ARHGEF19: variants seen among roughly 807,000 people sequenced by gnomAD.
ARHGEF19 encodes the protein Rho guanine nucleotide exchange factor 19, also known as Rho guanine nucleotide exchange factor (GEF) 19.
ARHGEF19 carries 92 observed loss-of-function variants against 87.6 expected under a neutral mutation model. The observed-to-expected ratio is 1.05, with a 90% CI of 0.89 to 1.25. The LOEUF (loss-of-function observed/expected upper bound fraction) is 1.25. Ranked by LOEUF, ARHGEF19 falls within the 50% of genes most tolerant of loss-of-function variation. The pLI is 0.00. For synonymous variants in ARHGEF19, 438 were observed against 446.2 expected (o/e 0.98, Z 0.23); for missense variants, 1,054 against 1,051.8 (o/e 1.00, Z -0.03).
chr1:16,206,086 G>A lies in ARHGEF19; in HGVS notation c.1299-3C>T, dbSNP rs1441983533. ...GCTGCTCCAGGTCCTGCAGGAACCT[G>A]AGGAGTCAGAGCCAGGATGGAGACC... On this transcript the variant is annotated splice_region_variant and splice_polypyrimidine_tract_variant and intron_variant, in intron 7 of 15. Coordinates refer to ENST00000270747, the MANE Select transcript of ARHGEF19 (RefSeq NM_153213.5). This position sits in a 1 kb window ranked among gnomAD's most constrained non-coding sequence, Gnocchi z 4.6. 5.7e-6 allele frequency: 9 copies of A among 1,577,412 alleles called. No homozygotes were observed. Among genetic ancestry groups the A allele is most frequent in the Non-Finnish European group, 7.8e-6 (9 of 1,161,082 alleles).
At position 16,202,591 on chromosome 1, in the gene ARHGEF19, G is replaced by A. The variant is rs775083175; in HGVS notation, c.1908-17C>T. ...TTCCCTAGCCTGGAGGACCGGGGGA[G>A]GGGAGGTCAGCCTGGCCTGGGCCCT... On this transcript the variant is annotated splice_polypyrimidine_tract_variant and intron_variant, in intron 12 of 15. Coordinates refer to ENST00000270747, the MANE Select transcript of ARHGEF19 (RefSeq NM_153213.5). 2 of 1,607,690 alleles carry A rather than the reference G, an allele frequency of 1.2e-6. No individual in the cohort carries two copies. The highest frequency in any genetic ancestry group is 1.3e-5 in the African/African-American group (1 of 74,896).
chr1:16,209,037 AG>A lies in ARHGEF19; in HGVS notation c.17del (p.Pro6LeufsTer8), dbSNP rs749784982. On this transcript the variant is annotated frameshift_variant, in exon 2 of 16. Transcript: ENST00000270747. LOFTEE classifies it high-confidence loss of function. MDCGPPATLQPHLTGP... is the reference protein window; with the variant it reads MDCGPXATLQPHLTGP... Reference sequence around the variant, plus strand: ...CAGTCAGGTGGGGCTGGAGGGTAGCAGGTGGCCCACAGTCCATTCCTCTTTT... The same window carrying A: ...CAGTCAGGTGGGGCTGGAGGGTAGCAGTGGCCCACAGTCCATTCCTCTTTT... The A allele has an allele frequency of 4.0e-6, 6 of 1,494,038 alleles. No homozygotes were observed. The highest frequency in any genetic ancestry group is 4.5e-6 in the Non-Finnish European group (5 of 1,123,404). 92.5% of individuals were successfully genotyped at this position (1,494,038 alleles called of 1,614,324 possible).
intron 2 of ARHGEF19, 101 bp from the exon 3 acceptor site, chr1:16,208,326 C>T: frequency 7.2e-7 from 1 of 1,395,716 alleles, no homozygotes; most frequent in Non-Finnish European, 9.6e-7. Flanking sequence ...GTTCAGGCAC[C>T]ATGCCCAAGG....
chr1:16,205,728 C>G lies in ARHGEF19; in HGVS notation c.1452-61G>C. 1.3e-6 allele frequency: 2 copies of G among 1,545,970 alleles called. No homozygotes were observed. The highest frequency in any genetic ancestry group is 2.8e-5 in the African/African-American group (2 of 72,498). On this transcript the variant is annotated intron_variant, in intron 8 of 15. Coordinates refer to ENST00000270747, the MANE Select transcript of ARHGEF19 (RefSeq NM_153213.5). This position sits in a 1 kb window ranked among gnomAD's most constrained non-coding sequence, Gnocchi z 5.8. ...GCCTGAATTCCTGGGATCCACAACCCTGGCCATCCACGGGGTCCTCAGGGG... is the reference window on the plus strand; with the variant it reads ...GCCTGAATTCCTGGGATCCACAACCGTGGCCATCCACGGGGTCCTCAGGGG...
In ARHGEF19 at chr1:16,207,618, A is replaced by G; in HGVS notation, c.798-20T>C. On this transcript the variant is annotated intron_variant, in intron 4 of 15. Transcript: ENST00000270747. This position sits in a 1 kb window ranked among gnomAD's most constrained non-coding sequence, Gnocchi z 4.0. ...TCTAGCCTAGGAAAGAGAGAGCGTCACGGCCCTAGTTCGCCTGCACCCTGT... is the reference window on the plus strand; with the variant it reads ...TCTAGCCTAGGAAAGAGAGAGCGTCGCGGCCCTAGTTCGCCTGCACCCTGT... 1 of 1,613,992 alleles carries G rather than the reference A, an allele frequency of 6.2e-7. No homozygotes were observed.
At position 16,206,346 on chromosome 1, in the gene ARHGEF19, G is replaced by A. The variant is rs750220354; in HGVS notation, c.1138-6C>T. On this transcript the variant is annotated splice_region_variant and splice_polypyrimidine_tract_variant and intron_variant, in intron 6 of 15. Coordinates refer to ENST00000270747, the MANE Select transcript of ARHGEF19 (RefSeq NM_153213.5). This position sits in a 1 kb window ranked among gnomAD's most constrained non-coding sequence, Gnocchi z 4.6. ...GTGATCAGCTCAAACTTGGCCTGAG[G>A]GAGGGCACACACGGGGTCGAAAGGG... The A allele has an allele frequency of 7.6e-6, 12 of 1,574,810 alleles. No individual in the cohort carries two copies. In the Admixed American group the frequency reaches 1.7e-4, roughly 23 times the overall value.
Position 16,207,008 on chromosome 1 carries a change from G to T in ARHGEF19, c.1077C>A (p.Pro359=). ...CCAGGACGCCGCTGCCGCGTACGTC[G>T]GGGATATCCTGCCACAGCGAGAAGG... ...GSTFSLWQDI[P]DVRGSGVLAT... Residue 359 remains proline, a synonymous_variant, in exon 6 of 16, where the codon CCC becomes CCA. Transcript: ENST00000270747. This position sits in a 1 kb window ranked among gnomAD's most constrained non-coding sequence, Gnocchi z 4.0. 6.6e-7 allele frequency: 1 copy of T among 1,517,278 alleles called. No homozygotes were observed. 94.0% of individuals were successfully genotyped at this position (1,517,278 alleles called of 1,614,324 possible). A position where few individuals can be genotyped will look rare whatever the true frequency, so the allele number is the denominator to read the frequency against.
At chr1:16,201,678 T>A in intron 14 of ARHGEF19, 104 bp downstream of exon 14, 2 of 1,282,468 alleles carry the variant, frequency 1.6e-6, no homozygotes, top group African/African-American at 3.0e-5. Flanking sequence ...GAAGTTGGTC[T>A]CTCTCCCCAT....
At position 16,208,772 on chromosome 1, in the gene ARHGEF19, G is replaced by C; in HGVS notation, c.283C>G (p.Arg95Gly). Reference sequence around the variant, plus strand: ...GGCCAGCTGCCAGCCCTGCTGGGCCGCATCCCCCCGCTGGTGATCTCTGTA... The same window carrying C: ...GGCCAGCTGCCAGCCCTGCTGGGCCCCATCCCCCCGCTGGTGATCTCTGTA... ...SDTEITSGGM[R>G]PSRAGSWPHC... Residue 95 changes from arginine (R) to glycine (G), a missense_variant, in exon 2 of 16, where the codon CGG becomes GGG. Transcript: ENST00000270747. 6.2e-7 allele frequency: 1 copy of C among 1,612,588 alleles called. No homozygotes were observed. Among genetic ancestry groups the C allele is most frequent in the Non-Finnish European group, 8.5e-7 (1 of 1,179,470 alleles).
In ARHGEF19 at chr1:16,206,909, G is replaced by GGCCC; in HGVS notation, c.1137+35_1137+38dup. 1 of 1,350,546 alleles carries GGCCC rather than the reference G, an allele frequency of 7.4e-7. No individual in the cohort carries two copies. Among genetic ancestry groups the GGCCC allele is most frequent in the South Asian group, 1.6e-5 (1 of 64,332 alleles). 83.7% of individuals were successfully genotyped at this position (1,350,546 alleles called of 1,614,324 possible). ...TAAGTCCCCGGACCGCGTACTCCCC[G>GGCCC]GCCCGCCCCCGCCCCGCCGGGTCCC... On this transcript the variant is annotated intron_variant, in intron 6 of 15. Transcript: ENST00000270747. The surrounding 1 kb of genome is among the most constrained non-coding windows in gnomAD (Gnocchi z 4.6).
Position 16,207,648 on chromosome 1 carries a change from G to A in ARHGEF19, c.797+27C>T. 7 of 1,614,048 alleles carry A rather than the reference G, an allele frequency of 4.3e-6. No individual in the cohort carries two copies. Among genetic ancestry groups the A allele is most frequent in the Non-Finnish European group, 5.9e-6 (7 of 1,179,990 alleles). On this transcript the variant is annotated intron_variant, in intron 4 of 15. Coordinates refer to ENST00000270747, the MANE Select transcript of ARHGEF19 (RefSeq NM_153213.5). This position sits in a 1 kb window ranked among gnomAD's most constrained non-coding sequence, Gnocchi z 4.0. Reference sequence around the variant, plus strand: ...CCTAGTTCGCCTGCACCCTGTCTCGGACCCAAGCCCAAACGGGAGGTGGTA... The same window carrying A: ...CCTAGTTCGCCTGCACCCTGTCTCGAACCCAAGCCCAAACGGGAGGTGGTA...
Position 16,203,064 on chromosome 1 carries a change from C to G in ARHGEF19, c.1908-490G>C, listed in dbSNP as rs148963958. 4.7e-4 allele frequency among the ~76,000 whole-genome samples: 72 copies of G among 152,222 alleles called. 1 individual carries two copies. The highest frequency in any genetic ancestry group is 8.2e-4 in the Non-Finnish European group (56 of 68,016). On this transcript the variant is annotated intron_variant, in intron 12 of 15. Coordinates refer to ENST00000270747, the MANE Select transcript of ARHGEF19 (RefSeq NM_153213.5). Reference sequence around the variant, plus strand: ...CAGCTCCCCTGAGGAGTGTCTAACTCTCTTCCAGTATATAAGCCCCACGAA... The same window carrying G: ...CAGCTCCCCTGAGGAGTGTCTAACTGTCTTCCAGTATATAAGCCCCACGAA...
Position 16,207,883 on chromosome 1 carries a change from G to GCCCC in ARHGEF19, c.694+60_694+61insGGGG. ...CTCAGGCGGCCGGTGAGTGGGCATC[G>GCCCC]CCCACCCCCACCCCCACCCGGCATC... On this transcript the variant is annotated intron_variant, in intron 3 of 15. Transcript: ENST00000270747. This position sits in a 1 kb window ranked among gnomAD's most constrained non-coding sequence, Gnocchi z 4.0. 1.1e-5 allele frequency: 16 copies of GCCCC among 1,476,396 alleles called. No individual in the cohort carries two copies. The highest frequency in any genetic ancestry group is 1.3e-5 in the Non-Finnish European group (14 of 1,069,246). The allele number at this position is 1,476,396 out of a possible 1,614,324, so 91.5% of individuals were successfully genotyped here.
rs1438492400 is a variant in ARHGEF19, at chr1:16,210,887, G to T, written c.-30+1615C>A. On this transcript the variant is annotated intron_variant, in intron 1 of 15. Transcript: ENST00000270747. ...TCAGTCACTATTGGAGACAGGGAGG[G>T]AGAAGAGGACCCAGCGAGAGATGGC... is the stretch of plus-strand genomic sequence containing the variant. Among the ~76,000 whole-genome samples, 5 of 152,182 alleles carry T rather than the reference G, an allele frequency of 3.3e-5. No individual in the cohort carries two copies. In the East Asian group the frequency reaches 9.6e-4, roughly 29 times the overall value.
Position 16,207,095 on chromosome 1 carries a change from C to T in ARHGEF19, c.990G>A (p.Pro330=), listed in dbSNP as rs1422753100. 1 of 1,503,838 alleles carries T rather than the reference C, an allele frequency of 6.6e-7. No homozygotes were observed. Among genetic ancestry groups the T allele is most frequent in the Non-Finnish European group, 8.8e-7 (1 of 1,130,106 alleles). The allele number at this position is 1,503,838 out of a possible 1,614,324, so 93.2% of individuals were successfully genotyped here. ...TGCTGGGGGAGAGGTTGGCCCGCGG[C>T]GGCCCCGGCCCCTCCTCTGCGCCCT... ...EAEGAEEGPG[P]PRANLSPSSS... Residue 330 remains proline, a synonymous_variant, in exon 6 of 16, where the codon CCG becomes CCA. Transcript: ENST00000270747. This position sits in a 1 kb window ranked among gnomAD's most constrained non-coding sequence, Gnocchi z 4.0.
At position 16,205,384 on chromosome 1, in the gene ARHGEF19, GTCT is replaced by G; in HGVS notation, c.1620_1622del (p.Glu540del). 1 of 1,613,568 alleles carries G rather than the reference GTCT, an allele frequency of 6.2e-7. No individual in the cohort carries two copies. The highest frequency in any genetic ancestry group is 8.5e-7 in the Non-Finnish European group (1 of 1,179,624). The stretch of plus-strand genomic sequence containing the variant: ...GCGCATTGAAGGCCTTGGTGGCCAT[GTCT>G]TCGTCTTCAGAGCCCTGTGCTGTCC... On this transcript the variant is annotated inframe_deletion, in exon 10 of 16. Transcript: ENST00000270747. This position sits in a 1 kb window ranked among gnomAD's most constrained non-coding sequence, Gnocchi z 5.8.
intron 12 of ARHGEF19, 121 bp downstream of exon 12, chr1:16,204,638 G>T: frequency 8.2e-7 from 1 of 1,226,976 alleles, no homozygotes; most frequent in Non-Finnish European, 1.1e-6. Context: ...TGCCCTGGCA[G>T]CATACCCTGG....
intron 14 of ARHGEF19, among the ~76,000 whole-genome samples, chr1:16,200,762 G>T (rs1370535348): frequency 6.6e-6 from 1 of 150,720 alleles, no homozygotes; most frequent in Non-Finnish European, 1.5e-5. Flanking sequence ...AAAGCCAGGC[G>T]TGGTGGCAAG....
rs771088193 is a variant in ARHGEF19 at position 16,205,403 on chromosome 1, T to C, written c.1604A>G (p.Gln535Arg). 51 of 1,612,012 alleles carry C rather than the reference T, an allele frequency of 3.2e-5. No individual in the cohort carries two copies. In the South Asian group the frequency reaches 5.4e-4, roughly 17 times the overall value. Reference protein sequence around the residue: ...LVENILKRTAQGSEDEDMATK... With the variant: ...LVENILKRTARGSEDEDMATK... ...GGCCATGTCTTCGTCTTCAGAGCCC[T>C]GTGCTGTCCGCTTCAGGATGTTCTG... is the stretch of plus-strand genomic sequence containing the variant. The change falls in exon 10 of 16, where the codon CAG becomes CGG. Residue 535 changes from glutamine to arginine, a missense_variant. Coordinates refer to ENST00000270747, the MANE Select transcript of ARHGEF19 (RefSeq NM_153213.5). This position sits in a 1 kb window ranked among gnomAD's most constrained non-coding sequence, Gnocchi z 5.8.
Sources: allele counts gnomAD v4.1 joint callset (sites outside exome capture counted in the v4.1 genomes callset), GRCh38; gene constraint gnomAD v4.1.1; non-coding constraint Gnocchi (gnomAD v3.1); transcripts MANE v1.5; gene names NCBI Gene and HGNC (gene_info 2026-07-23, HGNC 2026-07-21).